The following PIK3C3 variants were observed in gnomAD, a reference collection of about 807,000 sequenced individuals.
PIK3C3 encodes the protein PI3-kinase type 3.
PIK3C3 carries 95 observed loss-of-function variants against 126.1 expected under a neutral mutation model. The observed-to-expected ratio is 0.75, with a 90% CI of 0.64 to 0.89. The LOEUF (loss-of-function observed/expected upper bound fraction) is 0.89, where lower values mean the gene tolerates loss of function less well. Among genes scored for constraint, PIK3C3 ranks in the 40% least tolerant of loss-of-function variants. PIK3C3 has a pLI of 0.00. For synonymous variants in PIK3C3, 374 were observed against 360.0 expected (o/e 1.04, Z -0.44); for missense variants, 829 against 1,063.2 (o/e 0.78, Z 3.06).
intron 2 of PIK3C3, among the ~76,000 whole-genome samples, chr18:41,958,586 C>T (rs1212948981): frequency 2.0e-5 from 3 of 152,082 alleles, no homozygotes; most frequent in Admixed American, 2.0e-4. Flanking sequence ...GTGATCTGGC[C>T]ATATCGAAAC....
intron 20 of PIK3C3, among the ~76,000 whole-genome samples, chr18:42,046,892 G>A (rs559920592): frequency 6.6e-6 from 1 of 152,170 alleles, no homozygotes; most frequent in East Asian, 1.9e-4. Flanking sequence ...GACTAAACAT[G>A]TTTATCAGAA....
chr18:41,990,743 CAT>C lies in PIK3C3; in HGVS notation c.714+190_714+191del, dbSNP rs1981734500. 7 of 508,242 alleles carry C rather than the reference CAT, an allele frequency of 1.4e-5. No homozygotes were observed. In the Admixed American group the frequency reaches 2.2e-4, roughly 16 times the overall value. The allele number at this position is 508,242 out of a possible 1,614,324, so 31.5% of individuals were successfully genotyped here. A position where few individuals can be genotyped will look rare whatever the true frequency, so the allele number is the denominator to read the frequency against. The stretch of plus-strand genomic sequence containing the variant: ...AACAAGATTACAAAAGCCTATCACT[CAT>C]GTAATGCAGTTCTGGGTTACAGAAT... On this transcript the variant is annotated intron_variant, in intron 6 of 24. Coordinates refer to ENST00000262039, the MANE Select transcript of PIK3C3 (RefSeq NM_002647.4).
intron 21 of PIK3C3, among the ~76,000 whole-genome samples, chr18:42,054,146 A>ATC (rs1568002679): frequency 5.5e-5 from 1 of 18,260 alleles, no homozygotes; most frequent in Admixed American, 3.8e-4. Context: ...ATATATATAT[A>ATC]TATATATATA....
intron 3 of PIK3C3, among the ~76,000 whole-genome samples, chr18:41,968,982 A>G (rs764317470): frequency 6.6e-6 from 1 of 150,480 alleles, no homozygotes; most frequent in African/African-American, 2.5e-5. Flanking sequence ...ACCTAATTTT[A>G]GTTTTTTTTT....
intron 10 of PIK3C3, among the ~76,000 whole-genome samples, chr18:42,005,112 A>T (rs1165048023): frequency 1.3e-5 from 2 of 152,180 alleles, no homozygotes; most frequent in Non-Finnish European, 2.9e-5. Context: ...ATATACAGTT[A>T]TTTATCAGTT....
intron 3 of PIK3C3, among the ~76,000 whole-genome samples, chr18:41,963,265 A>G (rs999571939): frequency 1.3e-5 from 2 of 152,228 alleles, no homozygotes; most frequent in African/African-American, 4.8e-5. Context: ...CTTAGTTCAT[A>G]TAGGAAAGAC....
intron 18 of PIK3C3, among the ~76,000 whole-genome samples, chr18:42,040,317 C>T (rs1208290307): frequency 6.6e-5 from 10 of 151,770 alleles, no homozygotes; most frequent in Admixed American, 2.0e-4. Context: ...AGATTTCTTA[C>T]GGTGATTTTA....
chr18:42,067,349 T>G (rs1187941411), intron 23 of PIK3C3, 39 bp from the exon 24 acceptor site: 1 of 1,604,940 alleles, frequency 6.2e-7, no homozygotes. Flanking sequence ...ATGTGCCCTA[T>G]TTTTCTTCGT....
At chr18:41,997,154 AC>A (rs1982067279) in intron 9 of PIK3C3, among the ~76,000 whole-genome samples, 1 of 152,096 alleles carries the variant, frequency 6.6e-6, no homozygotes, top group African/African-American at 2.4e-5. Context: ...TCTTCTTCTT[AC>A]CTCTTTGAAC....
At chr18:41,964,758 A>G (rs886117470) in intron 3 of PIK3C3, among the ~76,000 whole-genome samples, 1 of 152,122 alleles carries the variant, frequency 6.6e-6, no homozygotes, top group Non-Finnish European at 1.5e-5. Context: ...TGAATTATAT[A>G]TGTTAATTAA....
chr18:42,000,810 C>T (rs549658020), intron 9 of PIK3C3, among the ~76,000 whole-genome samples: 1 of 152,254 alleles, frequency 6.6e-6, no homozygotes, highest in East Asian at 1.9e-4. Context: ...GACTTACTCA[C>T]TATCATGAGA....
At chr18:42,054,144 A>C (rs1260186388) in intron 21 of PIK3C3, among the ~76,000 whole-genome samples, 397 of 17,880 alleles carry the variant, frequency 0.022, 32 homozygotes, top group East Asian at 0.059. Flanking sequence ...ATATATATAT[A>C]TATATATATA....
intron 19 of PIK3C3, among the ~76,000 whole-genome samples, chr18:42,041,203 CA>C (rs1369539423): frequency 1.3e-5 from 2 of 151,692 alleles, no homozygotes; most frequent in African/African-American, 4.8e-5. Context: ...AAAAAAACCC[CA>C]AAAAAACAGA....
chr18:41,968,714 A>G (rs1224654957), intron 3 of PIK3C3, among the ~76,000 whole-genome samples: 2 of 152,190 alleles, frequency 1.3e-5, no homozygotes, highest in Non-Finnish European at 2.9e-5. Context: ...TTATTACCTT[A>G]GGAAAATCTA....
intron 18 of PIK3C3, among the ~76,000 whole-genome samples, chr18:42,040,004 C>T (rs1331650028): frequency 6.6e-6 from 1 of 152,004 alleles, no homozygotes; most frequent in African/African-American, 2.4e-5. Context: ...ATAGGCTTAC[C>T]AGAACCAGAT....
chr18:41,990,243 A>T (rs989529320), intron 5 of PIK3C3, among the ~76,000 whole-genome samples: 1 of 152,212 alleles, frequency 6.6e-6, no homozygotes, highest in East Asian at 1.9e-4. Context: ...ATAAGTGCAT[A>T]GTAGACACTA....
At chr18:42,013,659 T>C in intron 11 of PIK3C3, 63 bp downstream of exon 11, 1 of 1,267,506 alleles carries the variant, frequency 7.9e-7, no homozygotes, top group South Asian at 1.3e-5. Flanking sequence ...CAAATTGTTT[T>C]CTCTTTTCCT....
chr18:41,997,056 G>A (rs775059150), intron 9 of PIK3C3, among the ~76,000 whole-genome samples: 26 of 152,202 alleles, frequency 1.7e-4, no homozygotes, highest in African/African-American at 5.3e-4. Flanking sequence ...TTCTAATGGC[G>A]ACAGTTCTCC....
At chr18:41,996,061 A>G (rs1331265680) in intron 8 of PIK3C3, 67 bp downstream of exon 8, 9 of 977,512 alleles carry the variant, frequency 9.2e-6, no homozygotes, top group African/African-American at 3.3e-5. Flanking sequence ...ACTGATAGCT[A>G]TCACCTCACT....
Sources: gnomAD v4.1 joint callset for allele counts (sites outside exome capture counted in the v4.1 genomes callset) on GRCh38, gnomAD v4.1.1 for gene constraint, MANE v1.5 for transcripts, NCBI Gene and HGNC (gene_info 2026-07-23, HGNC 2026-07-21) for gene names.